The following LAMA1 variants were observed in gnomAD, a reference collection of about 807,000 sequenced individuals.
LAMA1 encodes laminin subunit alpha-1.
A neutral mutation model predicts 348.7 loss-of-function variants in LAMA1; 219 were observed. The observed-to-expected ratio is 0.63, with a 90% CI of 0.56 to 0.70. LAMA1 has a LOEUF of 0.70. Among genes scored for constraint, LAMA1 ranks in the 30% least tolerant of loss-of-function variants. LAMA1 has a pLI of 0.00. For missense variants in LAMA1, 3,744 were observed against 3,888.0 expected (o/e 0.96, Z 0.99); for synonymous variants, 1,487 against 1,491.0 (o/e 1.00, Z 0.06).
intron 1 of LAMA1, among the ~76,000 whole-genome samples, chr18:7,111,560 G>A (rs1056173550): frequency 1.3e-5 from 2 of 152,250 alleles, no homozygotes; most frequent in African/African-American, 2.4e-5. Flanking sequence ...ATCGTGTGGC[G>A]TTTTATGCTG....
Position 7,092,150 on chromosome 18 carries a change from C to T in LAMA1, c.62-11693G>A, listed in dbSNP as rs139117376. On this transcript the variant is annotated intron_variant, in intron 1 of 62. Coordinates refer to ENST00000389658, the MANE Select transcript of LAMA1 (RefSeq NM_005559.4). Reference sequence around the variant, plus strand: ...ACACTATATTTTCTCAGTTCTAGTACCATTTTTCCCCTGAAATGAAGCCAC... The same window carrying T: ...ACACTATATTTTCTCAGTTCTAGTATCATTTTTCCCCTGAAATGAAGCCAC... 5.8e-3 allele frequency among the ~76,000 whole-genome samples: 888 copies of T among 152,288 alleles called. 6 individuals carry two copies. The highest frequency in any genetic ancestry group is 0.014 in the Middle Eastern group (4 of 294).
intron 33 of LAMA1, among the ~76,000 whole-genome samples, chr18:6,997,319 C>T (rs945038742): frequency 6.6e-6 from 1 of 152,172 alleles, no homozygotes; most frequent in Admixed American, 6.5e-5. Flanking sequence ...GCCTTGGCCC[C>T]CCAAAGTGCT....
At chr18:7,065,920 T>C (rs1423251137) in intron 3 of LAMA1, among the ~76,000 whole-genome samples, 1 of 152,202 alleles carries the variant, frequency 6.6e-6, no homozygotes, top group Non-Finnish European at 1.5e-5. Context: ...GCTTTCTAAG[T>C]GCCTGCATAC....
intron 1 of LAMA1, among the ~76,000 whole-genome samples, chr18:7,084,054 C>T (rs1434153449): frequency 9.6e-6 from 1 of 103,848 alleles, no homozygotes; most frequent in East Asian, 3.4e-4. Flanking sequence ...GCCTGGGCAA[C>T]AGAGTGAGAT....
At chr18:7,081,399 T>C (rs1476424646) in intron 1 of LAMA1, among the ~76,000 whole-genome samples, 1 of 152,236 alleles carries the variant, frequency 6.6e-6, no homozygotes, top group Non-Finnish European at 1.5e-5. Flanking sequence ...GTCTTTTCTA[T>C]AATTATCTAG....
chr18:7,065,232 C>CAAAAAAAAA (rs35224545), intron 3 of LAMA1, among the ~76,000 whole-genome samples: 1 of 71,408 alleles, frequency 1.4e-5, no homozygotes, highest in Non-Finnish European at 2.6e-5. Flanking sequence ...GACTCTATCT[C>CAAAAAAAAA]AAAAAAAAAA....
intron 30 of LAMA1, 135 bp downstream of exon 30, chr18:7,002,129 T>C (rs2057810297): frequency 8.5e-7 from 1 of 1,170,642 alleles, no homozygotes; most frequent in Non-Finnish European, 1.2e-6. Flanking sequence ...TGAACACCTT[T>C]TCTTAAAATT....
In LAMA1 at chr18:7,025,998, G is replaced by A. The variant is rs1437446963; in HGVS notation, c.2383C>T (p.Leu795Phe). 2 of 1,608,826 alleles carry A rather than the reference G, an allele frequency of 1.2e-6. No homozygotes were observed. Among genetic ancestry groups the A allele is most frequent in the Non-Finnish European group, 1.7e-6 (2 of 1,177,702 alleles). ...GCTTACTTGTTGGAGGCTATGGTGA[G>A]AGGGCAGGCGCAGGGCTGGCAGTCC... ...PGDCQPCACP[L>F]TIASNNFSPT... Residue 795 changes from leucine to phenylalanine, a missense_variant, in exon 17 of 63, where the codon CTC (leucine) becomes TTC (phenylalanine). By Grantham distance (22) the Leu-to-Phe change is conservative. Around this residue, in one of 3 missense-constraint regions of LAMA1, gnomAD observed 1,529 missense variants for 1,689.4 expected, o/e 0.91. Transcript: ENST00000389658.
Position 6,975,939 on chromosome 18 carries a change from C to A in LAMA1, c.6487G>T (p.Ala2163Ser), listed in dbSNP as rs141405588. 3 of 1,613,976 alleles carry A rather than the reference C, an allele frequency of 1.9e-6. No individual in the cohort carries two copies. The East Asian group carries it at 6.7e-5, about 36-fold the overall frequency. The change falls in exon 45 of 63, where the codon GCT becomes TCT. Residue 2163 changes from alanine to serine, a missense_variant and splice_region_variant. Around this residue, in one of 3 missense-constraint regions of LAMA1, gnomAD observed 1,983 missense variants for 1,934.3 expected, o/e 1.03. Transcript: ENST00000389658. ...CTTTCCAAAGGTCCATAACTTACAGCGGTGCTGCTACCGAGGTAGAAGAGA... is the reference window on the plus strand; with the variant it reads ...CTTTCCAAAGGTCCATAACTTACAGAGGTGCTGCTACCGAGGTAGAAGAGA... ...NLLFYLGSST[A>S]SDFLAVEMRR...
Position 7,075,116 on chromosome 18 carries a change from T to C in LAMA1, c.345+4859A>G, listed in dbSNP as rs533591392. 5.0e-4 allele frequency among the ~76,000 whole-genome samples: 76 copies of C among 152,170 alleles called. 1 individual carries two copies. The South Asian group carries it at 0.015, about 30-fold the overall frequency. ...GGTCATAAAACCTCAAGAGCTGATATTTACCAAGTTACACAAACACATTTA... is the reference window on the plus strand; with the variant it reads ...GGTCATAAAACCTCAAGAGCTGATACTTACCAAGTTACACAAACACATTTA... On this transcript the variant is annotated intron_variant, in intron 3 of 62. Coordinates refer to ENST00000389658, the MANE Select transcript of LAMA1 (RefSeq NM_005559.4).
At position 7,035,995 on chromosome 18, in the gene LAMA1, T is replaced by C. The variant is rs1442029473; in HGVS notation, c.1831A>G (p.Ile611Val). ...AAAGCAAAAACAATCACCTTAATGA[T>C]GACGTCAGCATGCGACATGAGGTTA... is the stretch of plus-strand genomic sequence containing the variant. The part of the protein sequence containing the change: ...DSNLMSHADV[I>V]IKGNGLTLST... Residue 611 changes from isoleucine (I) to valine (V), a missense_variant, in exon 13 of 63, where the codon ATC becomes GTC. Around this residue, in one of 3 missense-constraint regions of LAMA1, gnomAD observed 1,529 missense variants for 1,689.4 expected, o/e 0.91. Coordinates refer to ENST00000389658, the MANE Select transcript of LAMA1 (RefSeq NM_005559.4). 1 of 1,613,078 alleles carries C rather than the reference T, an allele frequency of 6.2e-7. No individual in the cohort carries two copies. The highest frequency in any genetic ancestry group is 1.3e-5 in the African/African-American group (1 of 74,914).
At chr18:7,068,773 G>T (rs2058133726) in intron 3 of LAMA1, among the ~76,000 whole-genome samples, 1 of 147,184 alleles carries the variant, frequency 6.8e-6, no homozygotes, top group African/African-American at 2.6e-5. Flanking sequence ...AATCTGAGTA[G>T]AAGTTAAGTC....
intron 9 of LAMA1, 67 bp from the exon 10 acceptor site, chr18:7,040,303 A>T (rs1048104948): frequency 5.2e-6 from 8 of 1,543,662 alleles, no homozygotes; most frequent in African/African-American, 1.4e-5. Flanking sequence ...GGGTTGGCAA[A>T]TGTTTTCTGT....
At chr18:7,077,224 C>T (rs1333979408) in intron 3 of LAMA1, among the ~76,000 whole-genome samples, 19 of 118,448 alleles carry the variant, frequency 1.6e-4, no homozygotes, top group Non-Finnish European at 2.6e-4. Context: ...TTTTTTGAGA[C>T]GGAGTCTCGC....
Position 7,111,460 on chromosome 18 carries a change from G to C in LAMA1, c.61+6200C>G, listed in dbSNP as rs145662306. On this transcript the variant is annotated intron_variant, in intron 1 of 62. Coordinates refer to ENST00000389658, the MANE Select transcript of LAMA1 (RefSeq NM_005559.4). ...GCCTTGAGAAAACAAAGACACAAGTGGGAAGATTCTGTGCTATTTATTATC... is the reference window on the plus strand; with the variant it reads ...GCCTTGAGAAAACAAAGACACAAGTCGGAAGATTCTGTGCTATTTATTATC... Among the ~76,000 whole-genome samples, 624 of 152,286 alleles carry C rather than the reference G, an allele frequency of 4.1e-3. 3 individuals are homozygous for C. Among genetic ancestry groups the C allele is most frequent in the African/African-American group, 0.014 (586 of 41,566 alleles).
At chr18:7,063,957 A>G (rs2058112547) in intron 3 of LAMA1, among the ~76,000 whole-genome samples, 1 of 152,112 alleles carries the variant, frequency 6.6e-6, no homozygotes, top group South Asian at 2.1e-4. Flanking sequence ...AATATACTTA[A>G]TGCCACTGTA....
chr18:6,959,795 CT>C (rs1213381136), intron 53 of LAMA1: 4 of 333,982 alleles, frequency 1.2e-5, no homozygotes, highest in Non-Finnish European at 2.3e-5. Context: ...TGTAATTTGT[CT>C]TTTTATCAAT....
chr18:6,976,104 C>A, intron 44 of LAMA1, 24 bp from the exon 45 acceptor site: 1 of 1,613,616 alleles, frequency 6.2e-7, no homozygotes, highest in South Asian at 1.1e-5. Flanking sequence ...ATGAAAGTGT[C>A]CCCATCATTT....
At chr18:6,972,347 A>C in intron 47 of LAMA1, 1 of 324,942 alleles carries the variant, frequency 3.1e-6, no homozygotes, top group East Asian at 7.9e-5. Context: ...AAAAAACACA[A>C]TTATATTTGG....
Sources: allele counts gnomAD v4.1 joint callset (sites outside exome capture counted in the v4.1 genomes callset), GRCh38; gene constraint gnomAD v4.1.1; regional missense constraint gnomAD v4.1.1; transcripts MANE v1.5; gene names NCBI Gene and HGNC (gene_info 2026-07-23, HGNC 2026-07-21).